The following FYB2 variants were observed in gnomAD, a reference collection of about 807,000 sequenced individuals.
The protein encoded by FYB2 is FYN-binding protein 2.
Under a neutral mutation model 94.1 loss-of-function variants are expected in FYB2, and 103 were observed. The observed-to-expected ratio is 1.09, with a 90% CI of 0.93 to 1.29. FYB2 has a LOEUF of 1.29. FYB2 is among the 50% of genes most tolerant of loss of function. The pLI is 0.00. For missense variants in FYB2, 896 were observed against 841.5 expected (o/e 1.06, Z -0.80); for synonymous variants, 293 against 287.9 (o/e 1.02, Z -0.18).
At chr1:56,753,683 G>GT (rs1645255256) in intron 8 of FYB2, among the ~76,000 whole-genome samples, 156 bp downstream of exon 8, 1 of 152,054 alleles carries the variant, frequency 6.6e-6, no homozygotes, top group Non-Finnish European at 1.5e-5. Flanking sequence ...CTGGAGCTTA[G>GT]TGTCATTGTT....
chr1:56,758,715 C>G lies in FYB2; in HGVS notation c.1098+1G>C. 1 of 1,590,608 alleles carries G rather than the reference C, an allele frequency of 6.3e-7. No individual in the cohort carries two copies. Among genetic ancestry groups the G allele is most frequent in the Non-Finnish European group, 8.6e-7 (1 of 1,166,926 alleles). Reference sequence around the variant, plus strand: ...ACAATGTTGGTAAGGAGAAACAATACCTTTTGGAGTTCTTCAATTCCAACT... The same window carrying G: ...ACAATGTTGGTAAGGAGAAACAATAGCTTTTGGAGTTCTTCAATTCCAACT... On this transcript the variant is annotated splice_donor_variant, in intron 6 of 19. Transcript: ENST00000343433. LOFTEE classifies it high-confidence loss of function.
intron 1 of FYB2, among the ~76,000 whole-genome samples, chr1:56,800,279 C>T (rs1646489638): frequency 6.6e-6 from 1 of 152,104 alleles, no homozygotes; most frequent in Non-Finnish European, 1.5e-5. Flanking sequence ...AGTCACCCTT[C>T]ATGACTAAAA....
intron 15 of FYB2, among the ~76,000 whole-genome samples, chr1:56,729,960 A>C (rs1419897536): frequency 3.9e-5 from 6 of 152,108 alleles, no homozygotes; most frequent in Non-Finnish European, 1.5e-5. Context: ...ATTAAGGATA[A>C]TACTTAAAAA....
Position 56,734,605 on chromosome 1 carries a change from T to C in FYB2, c.1793+2482A>G, listed in dbSNP as rs560186397. On this transcript the variant is annotated intron_variant, in intron 15 of 19. Coordinates refer to ENST00000343433, the MANE Select transcript of FYB2 (RefSeq NM_001004303.5). Reference sequence around the variant, plus strand: ...GCATGTTCTCACTCATAGGTAGGAATTGAACAATGAGAACACTTGGACACA... The same window carrying C: ...GCATGTTCTCACTCATAGGTAGGAACTGAACAATGAGAACACTTGGACACA... 1.5e-3 allele frequency among the ~76,000 whole-genome samples: 227 copies of C among 152,114 alleles called. 1 individual carries two copies. The highest frequency in any genetic ancestry group is 5.3e-3 in the African/African-American group (220 of 41,512).
intron 5 of FYB2, among the ~76,000 whole-genome samples, chr1:56,767,502 A>G (rs1645652261): frequency 6.6e-6 from 1 of 152,216 alleles, no homozygotes; most frequent in African/African-American, 2.4e-5. Flanking sequence ...TTCTATAGGA[A>G]GAGAAGGAAG....
Position 56,719,530 on chromosome 1 carries a change from C to G in FYB2, c.*141G>C. 1 of 687,040 alleles carries G rather than the reference C, an allele frequency of 1.5e-6. No homozygotes were observed. Among genetic ancestry groups the G allele is most frequent in the South Asian group, 2.4e-5 (1 of 40,898 alleles). The allele number at this position is 687,040 out of a possible 1,614,324, so 42.6% of individuals were successfully genotyped here. On this transcript the variant is annotated 3_prime_UTR_variant, in exon 20 of 20. Transcript: ENST00000343433. ...GTTGAGGATTTGTTTTTATTTTTCTCTTTTAAGTTCAGAACGAAAGTTTCC... is the reference window on the plus strand; with the variant it reads ...GTTGAGGATTTGTTTTTATTTTTCTGTTTTAAGTTCAGAACGAAAGTTTCC...
At chr1:56,819,587 C>T (rs1646964761), upstream of FYB2, 2 of 547,394 alleles carry the variant, frequency 3.7e-6, no homozygotes, top group East Asian at 3.1e-5. Flanking sequence ...GCAAGCGGCT[C>T]TTCCCGTTGC....
intron 6 of FYB2, 22 bp downstream of exon 6, chr1:56,758,694 T>C (rs768439459): frequency 1.2e-5 from 19 of 1,564,960 alleles, no homozygotes; most frequent in East Asian, 2.3e-5. Flanking sequence ...TTAGTTACAA[T>C]GTTGGTAAGG....
chr1:56,805,353 G>C (rs1646620160), intron 1 of FYB2, among the ~76,000 whole-genome samples: 1 of 152,166 alleles, frequency 6.6e-6, no homozygotes, highest in South Asian at 2.1e-4. Flanking sequence ...TAGGGTAACT[G>C]GGGAAAAATT....
rs140583131 is a variant in FYB2 at position 56,785,675 on chromosome 1, C to T, written c.953+1500G>A. On this transcript the variant is annotated intron_variant, in intron 4 of 19. Coordinates refer to ENST00000343433, the MANE Select transcript of FYB2 (RefSeq NM_001004303.5). ...ATCCCGTTTCTATACCATTTCTATACTTTCTACACTCTAAGTGTACTTATT... is the reference window on the plus strand; with the variant it reads ...ATCCCGTTTCTATACCATTTCTATATTTTCTACACTCTAAGTGTACTTATT... Among the ~76,000 whole-genome samples, 507 of 152,288 alleles carry T rather than the reference C, an allele frequency of 3.3e-3. 4 individuals are homozygous for T. The highest frequency in any genetic ancestry group is 0.012 in the African/African-American group (493 of 41,552).
At chr1:56,762,711 A>G (rs1266553161) in intron 5 of FYB2, among the ~76,000 whole-genome samples, 1 of 152,078 alleles carries the variant, frequency 6.6e-6, no homozygotes, top group African/African-American at 2.4e-5. Flanking sequence ...TTCCTTTTCT[A>G]TCTGTATACA....
chr1:56,799,441 T>C (rs1043445972), intron 1 of FYB2, among the ~76,000 whole-genome samples: 2 of 152,146 alleles, frequency 1.3e-5, no homozygotes, highest in East Asian at 1.9e-4. Context: ...CCAATTTGCA[T>C]TGGCTTTTAA....
intron 15 of FYB2, among the ~76,000 whole-genome samples, chr1:56,726,953 T>TTG (rs143034269): frequency 0.27 from 41,175 of 151,512 alleles, 6,663 homozygotes; most frequent in Admixed American, 0.46. Flanking sequence ...TTGTTTTGTT[T>TTG]TTTTTTTTGC....
At chr1:56,809,307 A>T (rs1646713453) in intron 1 of FYB2, among the ~76,000 whole-genome samples, 1 of 152,236 alleles carries the variant, frequency 6.6e-6, no homozygotes, top group African/African-American at 2.4e-5. Flanking sequence ...ATTGTAAAAC[A>T]TAATACAAGT....
At chr1:56,814,741 G>A (rs746257744) in intron 1 of FYB2, among the ~76,000 whole-genome samples, 2 of 152,174 alleles carry the variant, frequency 1.3e-5, no homozygotes, top group Non-Finnish European at 2.9e-5. Context: ...AGCTAGTTAA[G>A]AGCAGACCAT....
Position 56,815,023 on chromosome 1 carries a change from G to T in FYB2, c.9+4259C>A, listed in dbSNP as rs189291210. ...CATCTTAGAGGTGAAGCCTCTCAGT[G>T]GCTCTCTTGGCTTACAGGATAAAGT... On this transcript the variant is annotated intron_variant, in intron 1 of 19. Coordinates refer to ENST00000343433, the MANE Select transcript of FYB2 (RefSeq NM_001004303.5). Among the ~76,000 whole-genome samples the T allele has an allele frequency of 2.5e-4, 38 of 152,194 alleles. 1 individual carries two copies. The South Asian group carries it at 6.6e-3, about 27-fold the overall frequency.
intron 15 of FYB2, among the ~76,000 whole-genome samples, chr1:56,728,210 C>T (rs1644625019): frequency 6.6e-6 from 1 of 152,082 alleles, no homozygotes. Flanking sequence ...CTTACCCCTC[C>T]CTTTTCTCTC....
the FYB2 span, among the ~76,000 whole-genome samples, chr1:56,826,064 G>A: frequency 3.3e-5 from 5 of 152,308 alleles, no homozygotes; most frequent in South Asian, 2.1e-4. Flanking sequence ...GTGGGTGCCC[G>A]ATGGTCACTG....
At chr1:56,757,970 T>G (rs1483747864) in intron 6 of FYB2, among the ~76,000 whole-genome samples, 1 of 150,224 alleles carries the variant, frequency 6.7e-6, no homozygotes, top group African/African-American at 2.4e-5. Flanking sequence ...GTAGGGACAG[T>G]ATTTCACCAT....
Sources: gnomAD v4.1 joint callset for allele counts (sites outside exome capture counted in the v4.1 genomes callset) on GRCh38, gnomAD v4.1.1 for gene constraint, MANE v1.5 for transcripts, NCBI Gene and HGNC (gene_info 2026-07-23, HGNC 2026-07-21) for gene names.